Variants in KNL1 observed in about 807,000 individuals in gnomAD.
The protein encoded by KNL1 is outer kinetochore KNL1 complex subunit KNL1.
A neutral mutation model predicts 201.3 loss-of-function variants in KNL1; 66 were observed. That is an observed-to-expected ratio of 0.33 (90% CI 0.27 to 0.40). The LOEUF is 0.40. Among genes scored for constraint, KNL1 ranks in the 10% least tolerant of loss-of-function variants. The probability of loss-of-function intolerance (pLI) is 1.00; values close to 1 mark genes in which losing one functional copy is unlikely to be tolerated. For missense variants in KNL1, 2,815 were observed against 2,690.5 expected (o/e 1.05, Z -1.02); for synonymous variants, 895 against 899.2 (o/e 1.00, Z 0.08).
chr15:40,652,473 CT>C (rs1893597286), intron 21 of KNL1, among the ~76,000 whole-genome samples: 1 of 90,522 alleles, frequency 1.1e-5, no homozygotes, highest in African/African-American at 4.1e-5. Flanking sequence ...TTTTTTTTTT[CT>C]TTTTTTACTT....
rs1567008325 is a variant in KNL1, at chr15:40,622,627, A to G, written c.2363A>G (p.Glu788Gly). The change falls in exon 10 of 26, where the codon GAA becomes GGA. Residue 788 changes from glutamate (E) to glycine (G), a missense_variant. Around this residue, in one of 3 missense-constraint regions of KNL1, gnomAD observed 2,464 missense variants for 2,291.7 expected, o/e 1.08. Transcript: ENST00000399668. ...ELQELGKTNL[E>G]HTTGQLTTMN... ...CAAGAACTTGGTAAAACTAATTTAG[A>G]ACACACTACTGGCCAGCTAACAACA... 6.2e-7 allele frequency: 1 copy of G among 1,601,278 alleles called. No individual in the cohort carries two copies. The highest frequency in any genetic ancestry group is 1.1e-5 in the South Asian group (1 of 88,918).
intron 17 of KNL1, 178 bp from the exon 18 acceptor site, chr15:40,650,123 C>T: frequency 4.1e-6 from 2 of 483,084 alleles, no homozygotes; most frequent in Non-Finnish European, 3.7e-6. Context: ...TTCTCTTTCA[C>T]AGAAAAAAAA....
At chr15:40,616,578 TG>T (rs550299366) in intron 8 of KNL1, among the ~76,000 whole-genome samples, 112 of 152,374 alleles carry the variant, frequency 7.4e-4, no homozygotes, top group Non-Finnish European at 1.1e-3. Flanking sequence ...CTTTCTGTTT[TG>T]TCTCCTAAAT....
Position 40,621,584 on chromosome 15 carries a change from C to A in KNL1, c.1320C>A (p.Thr440=). ...GTTGTAATGATGCCATGGAAATGAC[C>A]AAATGTCTCTCAAATATGAGAGAGG... ...YSSCNDAMEM[T]KCLSNMREEK... Residue 440 remains threonine (T), a synonymous_variant, in exon 10 of 26, where the codon ACC becomes ACA. Transcript: ENST00000399668. 1 of 1,609,502 alleles carries A rather than the reference C, an allele frequency of 6.2e-7. No homozygotes were observed. Among genetic ancestry groups the A allele is most frequent in the Non-Finnish European group, 8.5e-7 (1 of 1,177,842 alleles).
chr15:40,624,784 T>C lies in KNL1; in HGVS notation c.4520T>C (p.Leu1507Pro), dbSNP rs751736719. 1.2e-6 allele frequency: 2 copies of C among 1,613,720 alleles called. No homozygotes were observed. Among genetic ancestry groups the C allele is most frequent in the Admixed American group, 3.3e-5 (2 of 60,004 alleles). The change falls in exon 10 of 26, where the codon CTG (leucine) becomes CCG (proline). Residue 1507 changes from leucine (L) to proline (P), a missense_variant. Around this residue, in one of 3 missense-constraint regions of KNL1, gnomAD observed 2,464 missense variants for 2,291.7 expected, o/e 1.08. Coordinates refer to ENST00000399668, the MANE Select transcript of KNL1 (RefSeq NM_144508.5). ...EWFAAACKKE[L>P]KENIQTTNYN... is the part of the protein sequence containing the mutation. ...TTTGCTGCAGCCTGTAAAAAAGAACTGAAGGAAAATATTCAAACAACTAAC... is the reference window on the plus strand; with the variant it reads ...TTTGCTGCAGCCTGTAAAAAAGAACCGAAGGAAAATATTCAAACAACTAAC...
At chr15:40,602,987 T>A in intron 2 of KNL1, 21 bp downstream of exon 2, 2 of 1,496,168 alleles carry the variant, frequency 1.3e-6, no homozygotes, top group Non-Finnish European at 9.3e-7. Flanking sequence ...TTAATGCAGC[T>A]AAAAATATTA....
intron 14 of KNL1, among the ~76,000 whole-genome samples, chr15:40,644,738 C>T (rs781024389): frequency 3.3e-5 from 5 of 152,228 alleles, no homozygotes; most frequent in Admixed American, 6.5e-5. Context: ...CAACAAGGCA[C>T]GTCCTGCACA....
chr15:40,602,480 CTT>C (rs34192317), intron 1 of KNL1, among the ~76,000 whole-genome samples: 233 of 79,140 alleles, frequency 2.9e-3, no homozygotes, highest in African/African-American at 4.7e-3. Context: ...TTTTTCCTTC[CTT>C]TTTTTTTTTT....
rs1390713556 is a variant in KNL1, at chr15:40,657,147, C to T, written c.6590C>T (p.Pro2197Leu). 1 of 1,574,772 alleles carries T rather than the reference C, an allele frequency of 6.4e-7. No individual in the cohort carries two copies. The highest frequency in any genetic ancestry group is 1.8e-5 in the Admixed American group (1 of 56,054). Residue 2197 changes from proline to leucine, a missense_variant, in exon 23 of 26, where the codon CCC becomes CTC. Physicochemically the swap from Pro to Leu is moderately conservative, Grantham distance 98. Coordinates refer to ENST00000399668, the MANE Select transcript of KNL1 (RefSeq NM_144508.5). ...KKTCTTQHQL[P>L]KMLEEFSLVV... ...ACATGTACAACCCAGCATCAGTTACCCAAGGTAAAGCCCGATTGAAGTATT... is the reference window on the plus strand; with the variant it reads ...ACATGTACAACCCAGCATCAGTTACTCAAGGTAAAGCCCGATTGAAGTATT...
chr15:40,629,177 A>G (rs910257903), intron 12 of KNL1, 96 bp from the exon 13 acceptor site: 3 of 641,930 alleles, frequency 4.7e-6, no homozygotes, highest in East Asian at 6.1e-5. Flanking sequence ...CCATAAATGT[A>G]TACAAGATAC....
chr15:40,608,745 C>CAAAA, intron 4 of KNL1, 102 bp from the exon 5 acceptor site: 4 of 534,634 alleles, frequency 7.5e-6, no homozygotes, highest in Non-Finnish European at 1.2e-5. Flanking sequence ...AACTCCATCT[C>CAAAA]AAAAAAAAAA....
chr15:40,630,286 AAGTT>A (rs1892875408), intron 13 of KNL1, among the ~76,000 whole-genome samples: 1 of 152,198 alleles, frequency 6.6e-6, no homozygotes. Context: ...ACATTTCCAA[AAGTT>A]AGTTATACTC....
chr15:40,595,312 G>C (rs1442153280), intron 1 of KNL1, among the ~76,000 whole-genome samples: 1 of 152,208 alleles, frequency 6.6e-6, no homozygotes, highest in Non-Finnish European at 1.5e-5. Flanking sequence ...AAAGATTATA[G>C]GACATTCTAA....
Position 40,620,998 on chromosome 15 carries a change from C to T in KNL1, c.734C>T (p.Ser245Phe), listed in dbSNP as rs1345233972. The change falls in exon 10 of 26, where the codon TCC (serine) becomes TTC (phenylalanine). Residue 245 changes from serine (S) to phenylalanine (F), a missense_variant. By Grantham distance (155) the Ser-to-Phe change is radical (BLOSUM62 -2). Around this residue, in one of 3 missense-constraint regions of KNL1, gnomAD observed 2,464 missense variants for 2,291.7 expected, o/e 1.08. Coordinates refer to ENST00000399668, the MANE Select transcript of KNL1 (RefSeq NM_144508.5). ...GAAAATTTTGAGATACCTATTTATTCCAAGGAACCGAACAGTGCCTCTTCT... is the reference window on the plus strand; with the variant it reads ...GAAAATTTTGAGATACCTATTTATTTCAAGGAACCGAACAGTGCCTCTTCT... ...DKENFEIPIY[S>F]KEPNSASSTH... 8.1e-6 allele frequency: 13 copies of T among 1,603,460 alleles called. No individual in the cohort carries two copies. The highest frequency in any genetic ancestry group is 1.1e-5 in the Non-Finnish European group (13 of 1,176,916).
intron 10 of KNL1, among the ~76,000 whole-genome samples, chr15:40,626,574 A>G (rs557176137): frequency 7.3e-5 from 11 of 149,692 alleles, no homozygotes; most frequent in African/African-American, 2.2e-4. Context: ...AGTTTACATA[A>G]TATTTATTCA....
chr15:40,656,021 G>A (rs1041438562), intron 22 of KNL1, among the ~76,000 whole-genome samples: 2 of 152,130 alleles, frequency 1.3e-5, no homozygotes, highest in African/African-American at 4.8e-5. Context: ...TATCAGGCAT[G>A]TGTATTACTT....
chr15:40,603,866 T>C (rs75160364), intron 2 of KNL1, among the ~76,000 whole-genome samples: 5,311 of 152,210 alleles, frequency 0.035, 306 homozygotes, highest in African/African-American at 0.12. Context: ...AATTAAGAGG[T>C]GTTTTATGCA....
At chr15:40,659,891 T>TG (rs1893854555) in intron 25 of KNL1, among the ~76,000 whole-genome samples, 2 of 124,922 alleles carry the variant, frequency 1.6e-5, no homozygotes, top group South Asian at 2.6e-4. Flanking sequence ...TTTTGAAGAA[T>TG]TTATGTGTGT....
rs777764738 is a variant in KNL1, at chr15:40,623,727, G to A, written c.3463G>A (p.Val1155Ile). The A allele has an allele frequency of 1.4e-5, 23 of 1,613,748 alleles. No homozygotes were observed. Among genetic ancestry groups the A allele is most frequent in the East Asian group, 4.5e-5 (2 of 44,890 alleles). ...EIAIRPMDKT[V>I]LFTDNYSDLE... The stretch of plus-strand genomic sequence containing the variant: ...AGCTATTAGGCCCATGGACAAAACC[G>A]TATTGTTCACAGATAATTACAGTGA... The change falls in exon 10 of 26, where the codon GTA (valine) becomes ATA (isoleucine). Residue 1155 changes from valine (V) to isoleucine (I), a missense_variant. Around this residue, in one of 3 missense-constraint regions of KNL1, gnomAD observed 2,464 missense variants for 2,291.7 expected, o/e 1.08. Coordinates refer to ENST00000399668, the MANE Select transcript of KNL1 (RefSeq NM_144508.5).
Sources: allele counts gnomAD v4.1 joint callset (sites outside exome capture counted in the v4.1 genomes callset), GRCh38; gene constraint gnomAD v4.1.1; regional missense constraint gnomAD v4.1.1; transcripts MANE v1.5; gene names NCBI Gene and HGNC (gene_info 2026-07-23, HGNC 2026-07-21).